The following EPHA6 variants were observed in gnomAD, a reference collection of about 807,000 sequenced individuals.
EPHA6 encodes EPH receptor A6.
A neutral mutation model predicts 112.0 loss-of-function variants in EPHA6; 50 were observed. The observed-to-expected ratio is 0.45, with a 90% CI of 0.36 to 0.56. The LOEUF is 0.56. Ranked by LOEUF, EPHA6 falls within the 20% of genes least tolerant of loss-of-function variation. The pLI, the probability that EPHA6 is intolerant of heterozygous loss-of-function variation, is 0.00. For synonymous variants in EPHA6, 529 were observed against 490.7 expected, an observed-to-expected ratio of 1.08 and a Z score of -1.03; for missense variants, 1,280 against 1,417.4, an observed-to-expected ratio of 0.90 and a Z score of 1.56.
intron 6 of EPHA6, among the ~76,000 whole-genome samples, chr3:97,434,458 TA>T (rs1209082218): frequency 6.6e-6 from 1 of 152,164 alleles, no homozygotes; most frequent in Non-Finnish European, 1.5e-5. Context: ...CATTTCAGGC[TA>T]AAAAGTCATA....
intron 4 of EPHA6, among the ~76,000 whole-genome samples, chr3:97,240,938 T>C: frequency 6.6e-6 from 1 of 151,810 alleles, no homozygotes; most frequent in Non-Finnish European, 1.5e-5. Context: ...CACAGTTATG[T>C]TTAAAAACAA....
In EPHA6 at chr3:97,374,468, C is replaced by A. The variant is rs1049258153; in HGVS notation, c.1607-30682C>A. 3.3e-5 allele frequency among the ~76,000 whole-genome samples: 5 copies of A among 152,078 alleles called. No individual in the cohort carries two copies. In the East Asian group the frequency reaches 9.6e-4, roughly 29 times the overall value. ...ATTCTCTCTTCATCTTGACAAGCCA[C>A]CTTACACATTAATATCCTTTTTTAG... On this transcript the variant is annotated intron_variant, in intron 5 of 17. Transcript: ENST00000389672.
intron 3 of EPHA6, among the ~76,000 whole-genome samples, chr3:97,074,882 A>G (rs1311714177): frequency 6.6e-6 from 1 of 152,020 alleles, no homozygotes; most frequent in Non-Finnish European, 1.5e-5. Context: ...AGTAAATGGA[A>G]ACAGAACAGA....
intron 5 of EPHA6, among the ~76,000 whole-genome samples, chr3:97,264,473 G>A (rs1487271592): frequency 6.6e-6 from 1 of 152,224 alleles, no homozygotes; most frequent in African/African-American, 2.4e-5. Context: ...GGTGGTGCAT[G>A]GAAACTTGGA....
intron 5 of EPHA6, among the ~76,000 whole-genome samples, chr3:97,298,443 A>G (rs953734966): frequency 5.3e-5 from 8 of 152,198 alleles, no homozygotes; most frequent in African/African-American, 1.9e-4. Context: ...GCCTGTTTCT[A>G]GGACATGGGG....
intron 16 of EPHA6, among the ~76,000 whole-genome samples, chr3:97,736,510 T>C (rs1178382743): frequency 6.7e-6 from 1 of 150,214 alleles, no homozygotes; most frequent in African/African-American, 2.5e-5. Flanking sequence ...TGTGTGTGTG[T>C]GCAGCCCCTT....
intron 2 of EPHA6, among the ~76,000 whole-genome samples, chr3:96,933,759 A>T (rs2040449253): frequency 6.6e-6 from 1 of 152,088 alleles, no homozygotes; most frequent in African/African-American, 2.4e-5. Context: ...TTTTAAAGTG[A>T]AATAGGAAGG....
chr3:97,262,504 C>CATGTATTTTGTCAATTACAAAAGAAATG (rs2079537887), intron 5 of EPHA6, among the ~76,000 whole-genome samples: 1 of 152,126 alleles, frequency 6.6e-6, no homozygotes, highest in Non-Finnish European at 1.5e-5. Context: ...TCTACACATG[C>CATGTATTTTGTCAATTACAAAAGAAATG]ATGTATTTTG....
At chr3:97,646,273 C>T in intron 14 of EPHA6, 3 of 1,531,922 alleles carry the variant, frequency 2.0e-6, no homozygotes, top group Non-Finnish European at 2.6e-6. Context: ...AGTGGCCAGA[C>T]CAGAAAGCAA....
At chr3:96,840,397 A>T (rs1366033056) in intron 1 of EPHA6, among the ~76,000 whole-genome samples, 1 of 152,034 alleles carries the variant, frequency 6.6e-6, no homozygotes, top group Non-Finnish European at 1.5e-5. Flanking sequence ...GTCAAGAGAG[A>T]TTTCACACAG....
rs1180813981 is a variant in EPHA6, at chr3:96,963,386, G to A, written c.451-23944G>A. ...TCATGCACAAATTTAATCCCCTACA[G>A]ATCTTTAGCCATATTTCTGGGACTT... On this transcript the variant is annotated intron_variant, in intron 2 of 17. Coordinates refer to ENST00000389672, the MANE Select transcript of EPHA6 (RefSeq NM_001080448.3). Among the ~76,000 whole-genome samples, 3 of 152,056 alleles carry A rather than the reference G, an allele frequency of 2.0e-5. No homozygotes were observed. In the East Asian group the frequency reaches 5.8e-4, roughly 29 times the overall value.
Position 96,840,315 on chromosome 3 carries a change from A to G in EPHA6, c.385+25307A>G, listed in dbSNP as rs546752881. On this transcript the variant is annotated intron_variant, in intron 1 of 17. Coordinates refer to ENST00000389672, the MANE Select transcript of EPHA6 (RefSeq NM_001080448.3). ...CACCTCTTGGGGGTGGATTTGGGAT[A>G]TCTGTTATTTATCTGTAATCTTGAT... Among the ~76,000 whole-genome samples the G allele has an allele frequency of 2.0e-5, 3 of 152,222 alleles. No individual in the cohort carries two copies. In the South Asian group the frequency reaches 6.2e-4, roughly 32 times the overall value.
chr3:97,660,048 C>A (rs1418451111), intron 14 of EPHA6, among the ~76,000 whole-genome samples: 1 of 151,990 alleles, frequency 6.6e-6, no homozygotes, highest in Admixed American at 6.6e-5. Context: ...CAGAACATTA[C>A]CTTTTCTGTG....
chr3:97,380,552 C>A (rs945485538), intron 5 of EPHA6, among the ~76,000 whole-genome samples: 1 of 152,096 alleles, frequency 6.6e-6, no homozygotes, highest in Admixed American at 6.6e-5. Flanking sequence ...AGACAAGTTG[C>A]ATTTCTTACG....
At chr3:97,079,317 A>G (rs555257635) in intron 3 of EPHA6, among the ~76,000 whole-genome samples, 8 of 152,162 alleles carry the variant, frequency 5.3e-5, no homozygotes, top group Non-Finnish European at 1.2e-4. Flanking sequence ...ATGGAGAGGG[A>G]GACCATTATC....
At chr3:97,104,163 G>T (rs2047492730) in intron 3 of EPHA6, among the ~76,000 whole-genome samples, 1 of 152,018 alleles carries the variant, frequency 6.6e-6, no homozygotes, top group Admixed American at 6.6e-5. Flanking sequence ...GATTGCTCTA[G>T]CCAGGACTTA....
chr3:97,761,306 T>G lies in EPHA6; in HGVS notation c.*12605T>G. 5.1e-6 allele frequency: 1 copy of G among 194,380 alleles called. No homozygotes were observed. The highest frequency in any genetic ancestry group is 1.9e-4 in the South Asian group (1 of 5,206). 12.0% of individuals were successfully genotyped at this position (194,380 alleles called of 1,614,324 possible). A position where few individuals can be genotyped will look rare whatever the true frequency, so the allele number is the denominator to read the frequency against. On this transcript the variant is annotated 3_prime_UTR_variant, in exon 18 of 18. Coordinates refer to ENST00000389672, the MANE Select transcript of EPHA6 (RefSeq NM_001080448.3). ...AGCTCTCAATATGAGGGGTTGTTTG[T>G]GGTGAATTGCATAACATATGTCATC...
intron 13 of EPHA6, among the ~76,000 whole-genome samples, chr3:97,632,978 CT>C (rs2107540793): frequency 6.6e-6 from 1 of 152,158 alleles, no homozygotes; most frequent in African/African-American, 2.4e-5. Flanking sequence ...GGTCTAAGTA[CT>C]TGAGCTCAGC....
intron 6 of EPHA6, among the ~76,000 whole-genome samples, chr3:97,414,475 C>T (rs2087969183): frequency 6.6e-6 from 1 of 151,984 alleles, no homozygotes; most frequent in African/African-American, 2.4e-5. Flanking sequence ...ATAATTACTA[C>T]AAAAGTGCTC....
Sources: gnomAD v4.1 joint callset for allele counts (sites outside exome capture counted in the v4.1 genomes callset) on GRCh38, gnomAD v4.1.1 for gene constraint, MANE v1.5 for transcripts, NCBI Gene and HGNC (gene_info 2026-07-23, HGNC 2026-07-21) for gene names.